CMC1: variants seen among roughly 807,000 people sequenced by gnomAD.
CMC1 encodes the protein COX assembly mitochondrial protein homolog.
Under a neutral mutation model 14.1 loss-of-function variants are expected in CMC1, and 14 were observed. The ratio of observed to expected loss-of-function variants is 0.99; its 90% CI spans 0.66 to 1.55. CMC1 has a LOEUF of 1.55. Ranked by LOEUF, CMC1 falls within the 40% of genes most tolerant of loss-of-function variation. The pLI is 0.00. For synonymous variants in CMC1, 50 were observed against 38.4 expected, an observed-to-expected ratio of 1.30 and a Z score of -1.12; for missense variants, 127 against 123.8, an observed-to-expected ratio of 1.03 and a Z score of -0.12.
intron 2 of CMC1, among the ~76,000 whole-genome samples, chr3:28,295,431 C>G (rs960499693): frequency 6.6e-6 from 1 of 152,090 alleles, no homozygotes; most frequent in Non-Finnish European, 1.5e-5. Flanking sequence ...ACATCACTGG[C>G]TATAAAAACT....
intron 1 of CMC1, among the ~76,000 whole-genome samples, chr3:28,260,636 C>G (rs2125455118): frequency 6.6e-6 from 1 of 150,552 alleles, no homozygotes; most frequent in South Asian, 2.1e-4. Context: ...CTTTTGCTTG[C>G]TTTGTGTTTA....
At chr3:28,312,013 G>A (rs1269362427) in intron 2 of CMC1, among the ~76,000 whole-genome samples, 1 of 152,164 alleles carries the variant, frequency 6.6e-6, no homozygotes, top group East Asian at 1.9e-4. Context: ...GAGTTGATAT[G>A]ATGTATTATG....
Position 28,302,024 on chromosome 3 carries a change from G to A in CMC1, c.110-14309G>A, listed in dbSNP as rs1180532342. Among the ~76,000 whole-genome samples, 6 of 152,094 alleles carry A rather than the reference G, an allele frequency of 3.9e-5. No homozygotes were observed. In the East Asian group the frequency reaches 7.7e-4, roughly 20 times the overall value. ...GGAAACACTTTGTGAAATAGATTAA[G>A]TGACCTCTAAAGGCCTTCACACTCT... On this transcript the variant is annotated intron_variant, in intron 2 of 3. Transcript: ENST00000466830.
rs1205367436 is a variant in CMC1, at chr3:28,324,666, T to C, written c.*5037T>C. On this transcript the variant is annotated 3_prime_UTR_variant, in exon 4 of 4. Coordinates refer to ENST00000466830, the MANE Select transcript of CMC1 (RefSeq NM_182523.2). Reference sequence around the variant, plus strand: ...AATTTACTGTGACTTTAGATATTTGTCTCTTAGCTGCTCCTGATGTCTCTT... The same window carrying C: ...AATTTACTGTGACTTTAGATATTTGCCTCTTAGCTGCTCCTGATGTCTCTT... 3 of 402,202 alleles carry C rather than the reference T, an allele frequency of 7.5e-6. No homozygotes were observed. Among genetic ancestry groups the C allele is most frequent in the Non-Finnish European group, 1.3e-5 (3 of 228,902 alleles). The allele number at this position is 402,202 out of a possible 1,614,324, so 24.9% of individuals were successfully genotyped here. A position where few individuals can be genotyped will look rare whatever the true frequency, so the allele number is the denominator to read the frequency against.
chr3:28,292,974 A>G (rs946512495), intron 2 of CMC1: 3 of 152,152 alleles, frequency 2.0e-5, no homozygotes, highest in Admixed American at 2.0e-4. Flanking sequence ...GGTAAATTTT[A>G]CCTTTAAACA....
Position 28,274,206 on chromosome 3 carries a change from G to GTTTTTTTTTTTTTTTTTTTTTTTTT in CMC1, c.109+10831_109+10832insTTTTTTTTTTTTTTTTTTTTTTTTT, listed in dbSNP as rs1265139321. Among the ~76,000 whole-genome samples the GTTTTTTTTTTTTTTTTTTTTTTTTT allele has an allele frequency of 5.9e-4, 49 of 83,048 alleles. 10 individuals are homozygous for GTTTTTTTTTTTTTTTTTTTTTTTTT. Among genetic ancestry groups the GTTTTTTTTTTTTTTTTTTTTTTTTT allele is most frequent in the Admixed American group, 1.9e-3 (14 of 7,350 alleles). The allele number at this position is 83,048 out of a possible 152,430, so 54.5% of individuals were successfully genotyped here. ...GTGTCATTGGTCTTTGTACTAAAGT[G>GTTTTTTTTTTTTTTTTTTTTTTTTT]TTTTTGTTTTTTTCTTTTTTTTTTT... On this transcript the variant is annotated intron_variant, in intron 2 of 3. Coordinates refer to ENST00000466830, the MANE Select transcript of CMC1 (RefSeq NM_182523.2).
chr3:28,272,421 TA>T (rs1038654187), intron 2 of CMC1, among the ~76,000 whole-genome samples: 5 of 152,330 alleles, frequency 3.3e-5, no homozygotes, highest in African/African-American at 1.2e-4. Context: ...TGATGGTTTT[TA>T]ACATGAAGGG....
At chr3:28,314,915 G>A (rs1048107501) in intron 2 of CMC1, 1 of 152,104 alleles carries the variant, frequency 6.6e-6, no homozygotes, top group African/African-American at 2.4e-5. Flanking sequence ...CCAAGTACCT[G>A]GAAGGATAAC....
chr3:28,302,797 A>G (rs1230078038), intron 2 of CMC1, among the ~76,000 whole-genome samples: 1 of 152,164 alleles, frequency 6.6e-6, no homozygotes, highest in Non-Finnish European at 1.5e-5. Flanking sequence ...TAGTGATACA[A>G]TGTGATGAAC....
intron 2 of CMC1, among the ~76,000 whole-genome samples, chr3:28,273,657 T>A (rs1285925608): frequency 6.6e-6 from 1 of 152,226 alleles, no homozygotes; most frequent in African/African-American, 2.4e-5. Context: ...AATATCTTTG[T>A]TAATTTTCTG....
chr3:28,280,014 C>T (rs193193399), intron 2 of CMC1, among the ~76,000 whole-genome samples: 1 of 152,038 alleles, frequency 6.6e-6, no homozygotes, highest in South Asian at 2.1e-4. Flanking sequence ...AGCCCAGATT[C>T]GTCTCAAAAA....
chr3:28,290,438 A>G lies in CMC1; in HGVS notation c.110-25895A>G, dbSNP rs575261063. 3.9e-5 allele frequency among the ~76,000 whole-genome samples: 6 copies of G among 152,272 alleles called. No homozygotes were observed. The South Asian group carries it at 1.2e-3, about 32-fold the overall frequency. On this transcript the variant is annotated intron_variant, in intron 2 of 3. Coordinates refer to ENST00000466830, the MANE Select transcript of CMC1 (RefSeq NM_182523.2). The stretch of plus-strand genomic sequence containing the variant: ...GAACTTTGTAGATACACATTGCATC[A>G]GTATTTTATGACATTAAATGTTGCT...
intron 2 of CMC1, among the ~76,000 whole-genome samples, chr3:28,299,681 T>G (rs1701924637): frequency 6.6e-6 from 1 of 152,152 alleles, no homozygotes. Flanking sequence ...TAGTTACTAA[T>G]TTTAAAACCA....
At chr3:28,312,552 A>G (rs1702689756) in intron 2 of CMC1, among the ~76,000 whole-genome samples, 1 of 152,224 alleles carries the variant, frequency 6.6e-6, no homozygotes, top group South Asian at 2.1e-4. Flanking sequence ...CCTTTGCTCA[A>G]TTAAGGAACC....
chr3:28,275,633 G>A (rs1469486732), intron 2 of CMC1, among the ~76,000 whole-genome samples: 4 of 152,248 alleles, frequency 2.6e-5, no homozygotes, highest in South Asian at 2.1e-4. Context: ...CACTCTGGCT[G>A]CCCCTTGGTG....
At chr3:28,269,891 C>T (rs1700195682) in intron 2 of CMC1, among the ~76,000 whole-genome samples, 1 of 152,178 alleles carries the variant, frequency 6.6e-6, no homozygotes, top group African/African-American at 2.4e-5. Flanking sequence ...TTAAGCCCAG[C>T]ATGCATTAGC....
intron 2 of CMC1, among the ~76,000 whole-genome samples, chr3:28,300,710 C>CTTTCCCTCCCTTTCCCT (rs1559436596): frequency 6.0e-5 from 3 of 49,720 alleles, no homozygotes; most frequent in African/African-American, 2.3e-4. Context: ...TCCCTCTCAC[C>CTTTCCCTCCCTTTCCCT]CTCCCTCCTT....
intron 1 of CMC1, among the ~76,000 whole-genome samples, chr3:28,245,794 G>A (rs1173194076): frequency 1.3e-5 from 2 of 152,088 alleles, no homozygotes; most frequent in Admixed American, 1.3e-4. Context: ...GGTTCCTGTG[G>A]GAATGTAGGT....
intron 2 of CMC1, among the ~76,000 whole-genome samples, chr3:28,309,708 A>G (rs1702520753): frequency 6.6e-6 from 1 of 151,916 alleles, no homozygotes; most frequent in South Asian, 2.1e-4. Flanking sequence ...TTGTCATTCC[A>G]CTGTGCAAAC....
Sources: gnomAD v4.1 joint callset for allele counts (sites outside exome capture counted in the v4.1 genomes callset) on GRCh38, gnomAD v4.1.1 for gene constraint, MANE v1.5 for transcripts, NCBI Gene and HGNC (gene_info 2026-07-23, HGNC 2026-07-21) for gene names.